The following SOCS4 variants were observed in gnomAD, a reference collection of about 807,000 sequenced individuals.
The protein encoded by SOCS4 is SH2 domain containing SOCS box protein.
A neutral mutation model predicts 34.1 loss-of-function variants in SOCS4; 20 were observed. The observed-to-expected ratio is 0.59, with a 90% CI of 0.41 to 0.85. The LOEUF (loss-of-function observed/expected upper bound fraction) is 0.85. Among genes scored for constraint, SOCS4 ranks in the 40% least tolerant of loss-of-function variants. The pLI is 0.00. For missense variants in SOCS4, 479 were observed against 532.4 expected, an observed-to-expected ratio of 0.90 and a Z score of 0.99; for synonymous variants, 180 against 186.4, an observed-to-expected ratio of 0.97 and a Z score of 0.28.
Position 55,043,288 on chromosome 14 carries a change from G to A in SOCS4, c.247G>A (p.Gly83Arg). ...TGAGTTGGACTTAGATCATTCCTGT[G>A]GGCATCGATTTTTAGGCCGATCTCT... is the stretch of plus-strand genomic sequence containing the variant. ...SIELDLDHSCGHRFLGRSLKQ... is the reference protein window; with the variant it reads ...SIELDLDHSCRHRFLGRSLKQ... The change falls in exon 3 of 3, where the codon GGG (glycine) becomes AGG (arginine). Residue 83 changes from glycine to arginine, a missense_variant. Physicochemically the swap from Gly to Arg is moderately radical, Grantham distance 125. Transcript: ENST00000555846. 6.2e-7 allele frequency: 1 copy of A among 1,614,186 alleles called. No individual in the cohort carries two copies.
rs777132135 is a variant in SOCS4, at chr14:55,045,427, G to A, written c.*1063G>A. ...ATTCCAGAAATAAACATGGAGCTCA[G>A]TATTCAGGAAGCTTAATACTGTTTT... On this transcript the variant is annotated 3_prime_UTR_variant, in exon 3 of 3. Coordinates refer to ENST00000555846, the MANE Select transcript of SOCS4 (RefSeq NM_199421.2). 1.8e-5 allele frequency: 3 copies of A among 166,918 alleles called. No homozygotes were observed. The highest frequency in any genetic ancestry group is 2.4e-5 in the African/African-American group (1 of 41,434). 10.3% of individuals were successfully genotyped at this position (166,918 alleles called of 1,614,324 possible). A position where few individuals can be genotyped will look rare whatever the true frequency, so the allele number is the denominator to read the frequency against.
rs1566757567 is a variant in SOCS4, at chr14:55,044,325, T to C, written c.1284T>C (p.Val428=). 1 of 1,613,078 alleles carries C rather than the reference T, an allele frequency of 6.2e-7. No individual in the cohort carries two copies. Among genetic ancestry groups the C allele is most frequent in the Admixed American group, 1.7e-5 (1 of 60,004 alleles). ...YLKEYHYKSK[V]RVLRIDAPEQ... ...AGGAATATCATTATAAATCAAAAGT[T>C]AGAGTACTCAGGATTGATGCACCAG... Residue 428 remains valine, a synonymous_variant, in exon 3 of 3, where the codon GTT becomes GTC. Coordinates refer to ENST00000555846, the MANE Select transcript of SOCS4 (RefSeq NM_199421.2).
intron 2 of SOCS4, among the ~76,000 whole-genome samples, chr14:55,038,035 C>A (rs1225137657): frequency 6.6e-6 from 1 of 152,210 alleles, no homozygotes; most frequent in Non-Finnish European, 1.5e-5. Context: ...AATTGACTCA[C>A]AGTTCCACAT....
At chr14:55,035,414 AG>A (rs1459983118) in intron 2 of SOCS4, among the ~76,000 whole-genome samples, 1 of 152,158 alleles carries the variant, frequency 6.6e-6, no homozygotes, top group African/African-American at 2.4e-5. Flanking sequence ...ATGGTCTATG[AG>A]TTTCACCTGT....
chr14:55,030,445 C>T (rs535456070), intron 1 of SOCS4, among the ~76,000 whole-genome samples: 1 of 152,210 alleles, frequency 6.6e-6, no homozygotes, highest in South Asian at 2.1e-4. Flanking sequence ...GCCTCCTTGA[C>T]TTCAGATTTC....
chr14:55,032,261 A>G (rs1267100873), intron 2 of SOCS4, among the ~76,000 whole-genome samples: 2 of 152,238 alleles, frequency 1.3e-5, no homozygotes, highest in African/African-American at 2.4e-5. Context: ...AATGAAGCTT[A>G]TCCTTTTAAT....
At chr14:55,038,044 A>G (rs1287223892) in intron 2 of SOCS4, among the ~76,000 whole-genome samples, 1 of 152,226 alleles carries the variant, frequency 6.6e-6, no homozygotes, top group East Asian at 1.9e-4. Flanking sequence ...ACAGTTCCAC[A>G]TGGCTGGGGA....
rs967061196 is a variant in SOCS4, at chr14:55,047,208, TGAAAA to T, written c.*2849_*2853del. The T allele has an allele frequency of 9.0e-5, 15 of 167,184 alleles. No individual in the cohort carries two copies. The highest frequency in any genetic ancestry group is 3.6e-4 in the African/African-American group (15 of 41,574). The allele number at this position is 167,184 out of a possible 1,614,324, so 10.4% of individuals were successfully genotyped here. ...TTACCTCAGGGAAAAGCCTTGACAG[TGAAAA>T]GAAACTACTTAATCGCTAATAGCTA... On this transcript the variant is annotated 3_prime_UTR_variant, in exon 3 of 3. Transcript: ENST00000555846.
Position 55,043,310 on chromosome 14 carries a change from C to T in SOCS4, c.269C>T (p.Ser90Phe). ...TGTGGGCATCGATTTTTAGGCCGAT[C>T]TCTTAAACAGAAACTGCAAGATGCC... ...HSCGHRFLGR[S>F]LKQKLQDAVG... The change falls in exon 3 of 3, where the codon TCT becomes TTT. Residue 90 changes from serine to phenylalanine, a missense_variant. Transcript: ENST00000555846. 6.2e-7 allele frequency: 1 copy of T among 1,614,218 alleles called. No individual in the cohort carries two copies. The highest frequency in any genetic ancestry group is 8.5e-7 in the Non-Finnish European group (1 of 1,180,028).
rs1488070472 is a variant in SOCS4, at chr14:55,045,243, A to C, written c.*879A>C. The C allele has an allele frequency of 6.0e-6, 1 of 167,018 alleles. No homozygotes were observed. Among genetic ancestry groups the C allele is most frequent in the African/African-American group, 2.4e-5 (1 of 41,460 alleles). 10.3% of individuals were successfully genotyped at this position (167,018 alleles called of 1,614,324 possible). A position where few individuals can be genotyped will look rare whatever the true frequency, so the allele number is the denominator to read the frequency against. On this transcript the variant is annotated 3_prime_UTR_variant, in exon 3 of 3. Coordinates refer to ENST00000555846, the MANE Select transcript of SOCS4 (RefSeq NM_199421.2). ...TAAAGTAATTGTGGGGTTTTTCTGT[A>C]TTAGCTTATGAACTGTTGCTTCTAC...
intron 2 of SOCS4, among the ~76,000 whole-genome samples, chr14:55,038,757 A>C (rs977754079): frequency 6.6e-6 from 1 of 152,200 alleles, no homozygotes; most frequent in African/African-American, 2.4e-5. Context: ...CAGAATTTCA[A>C]CTTATCTCCC....
rs186128132 is a variant in SOCS4 at position 55,045,757 on chromosome 14, C to G, written c.*1393C>G. 1 of 166,866 alleles carries G rather than the reference C, an allele frequency of 6.0e-6. No individual in the cohort carries two copies. The highest frequency in any genetic ancestry group is 1.5e-5 in the Non-Finnish European group (1 of 68,008). 10.3% of individuals were successfully genotyped at this position (166,866 alleles called of 1,614,324 possible). A position where few individuals can be genotyped will look rare whatever the true frequency, so the allele number is the denominator to read the frequency against. On this transcript the variant is annotated 3_prime_UTR_variant, in exon 3 of 3. Coordinates refer to ENST00000555846, the MANE Select transcript of SOCS4 (RefSeq NM_199421.2). The stretch of plus-strand genomic sequence containing the variant: ...CTGGTGAGCTGTCTAACCCTTTGTA[C>G]ACATTGACATTTTTAATATCGTAAC...
chr14:55,033,460 C>G (rs1199216977), intron 2 of SOCS4, among the ~76,000 whole-genome samples: 1 of 152,116 alleles, frequency 6.6e-6, no homozygotes, highest in African/African-American at 2.4e-5. Flanking sequence ...TTCTAAATAT[C>G]TTTTTTCTGA....
intron 2 of SOCS4, among the ~76,000 whole-genome samples, chr14:55,035,754 A>T (rs2042566862): frequency 1.3e-5 from 2 of 152,224 alleles, no homozygotes; most frequent in Non-Finnish European, 2.9e-5. Flanking sequence ...AGATAGCATT[A>T]GTACCTCCAT....
At chr14:55,035,055 T>G (rs1028166034) in intron 2 of SOCS4, among the ~76,000 whole-genome samples, 4 of 152,034 alleles carry the variant, frequency 2.6e-5, no homozygotes, top group Admixed American at 2.0e-4. Context: ...GAGAGGAGAT[T>G]TTGCCATGTT....
intron 2 of SOCS4, among the ~76,000 whole-genome samples, chr14:55,041,498 A>G (rs998807413): frequency 2.6e-5 from 4 of 151,694 alleles, no homozygotes; most frequent in African/African-American, 4.8e-5. Context: ...TTTTCCTCCA[A>G]GACAGAGTCT....
intron 2 of SOCS4, among the ~76,000 whole-genome samples, chr14:55,039,467 C>T (rs866424190): frequency 2.0e-5 from 3 of 152,014 alleles, no homozygotes; most frequent in Non-Finnish European, 4.4e-5. Context: ...GAAATGGGAA[C>T]AGTTACGACC....
chr14:55,035,927 A>G (rs1429112724), intron 2 of SOCS4, among the ~76,000 whole-genome samples: 5 of 152,052 alleles, frequency 3.3e-5, no homozygotes, highest in Non-Finnish European at 7.4e-5. Context: ...AAAGAGAAAC[A>G]TAACAAAATA....
At chr14:55,028,472 G>T (rs1165928734) in intron 1 of SOCS4, among the ~76,000 whole-genome samples, 2 of 151,228 alleles carry the variant, frequency 1.3e-5, no homozygotes, top group Non-Finnish European at 2.9e-5. Context: ...AAATTTTTTC[G>T]TTCAAGTAAC....
Sources: gnomAD v4.1 joint callset for allele counts (sites outside exome capture counted in the v4.1 genomes callset) on GRCh38, gnomAD v4.1.1 for gene constraint, MANE v1.5 for transcripts, NCBI Gene and HGNC (gene_info 2026-07-23, HGNC 2026-07-21) for gene names.